Variants in MTMR7 observed in about 807,000 individuals in gnomAD.
MTMR7 encodes phosphatidylinositol-3-phosphate phosphatase MTMR7.
A neutral mutation model predicts 81.2 loss-of-function variants in MTMR7; 76 were observed. That is an observed-to-expected ratio of 0.94 (90% CI 0.78 to 1.13). The LOEUF is 1.13. Ranked by LOEUF, MTMR7 falls within the 50% of genes most tolerant of loss-of-function variation. The probability of loss-of-function intolerance (pLI) is 0.00; values close to 1 mark genes in which losing one functional copy is unlikely to be tolerated. For missense variants in MTMR7, 1,044 were observed against 820.0 expected (o/e 1.27, Z -3.34); for synonymous variants, 372 against 289.8 (o/e 1.28, Z -2.88).
chr8:17,410,254 A>G (rs1482697174), intron 1 of MTMR7, among the ~76,000 whole-genome samples: 1 of 152,186 alleles, frequency 6.6e-6, no homozygotes, highest in African/African-American at 2.4e-5. Context: ...TCTATTTCAT[A>G]ACTCAAATTT....
chr8:17,358,985 G>A (rs1008065964), intron 4 of MTMR7, among the ~76,000 whole-genome samples: 10 of 151,948 alleles, frequency 6.6e-5, no homozygotes, highest in East Asian at 3.9e-4. Flanking sequence ...CCTCAACCTC[G>A]CAGGCTCAAG....
intron 5 of MTMR7, among the ~76,000 whole-genome samples, chr8:17,346,653 G>T (rs1432571599): frequency 1.4e-5 from 2 of 146,612 alleles, no homozygotes; most frequent in African/African-American, 5.5e-5. Context: ...CTTGTCTCAA[G>T]AATATAAAAA....
intron 6 of MTMR7, among the ~76,000 whole-genome samples, chr8:17,332,590 T>C (rs1819060350): frequency 6.6e-6 from 1 of 152,188 alleles, no homozygotes; most frequent in South Asian, 2.1e-4. Context: ...GAAAAGTGCA[T>C]GGCAAACTGG....
At chr8:17,301,647 A>C (rs1480858520) in intron 13 of MTMR7, 1 of 154,254 alleles carries the variant, frequency 6.5e-6, no homozygotes, top group Non-Finnish European at 1.4e-5. Flanking sequence ...CATTGGAAAC[A>C]AAGTTATCCA....
At chr8:17,302,693 A>G (rs139018964) in intron 12 of MTMR7, among the ~76,000 whole-genome samples, 26 of 73,796 alleles carry the variant, frequency 3.5e-4, no homozygotes, top group African/African-American at 1.1e-3. Flanking sequence ...TGACATTTGC[A>G]TTGGCAATAA....
chr8:17,330,054 C>G (rs1333701597), intron 7 of MTMR7, among the ~76,000 whole-genome samples: 22 of 152,174 alleles, frequency 1.4e-4, no homozygotes, highest in Admixed American at 1.4e-3. Flanking sequence ...CAGCCCCAAA[C>G]AAGTTAACTG....
chr8:17,309,050 C>T (rs1817644199), intron 10 of MTMR7, among the ~76,000 whole-genome samples: 1 of 152,222 alleles, frequency 6.6e-6, no homozygotes, highest in South Asian at 2.1e-4. Context: ...CATTCTCTGT[C>T]TCTTCTAGAA....
chr8:17,404,234 T>C (rs1414813043), intron 1 of MTMR7, among the ~76,000 whole-genome samples: 1 of 152,074 alleles, frequency 6.6e-6, no homozygotes, highest in Non-Finnish European at 1.5e-5. Flanking sequence ...AAGGTGAGGA[T>C]TTACTATTGG....
chr8:17,346,027 G>C (rs1207309006), intron 5 of MTMR7: 1 of 152,182 alleles, frequency 6.6e-6, no homozygotes, highest in Non-Finnish European at 1.5e-5. Flanking sequence ...TTTACTTTTT[G>C]TGGGAGACTG....
intron 1 of MTMR7, among the ~76,000 whole-genome samples, chr8:17,395,708 G>T (rs78510402): frequency 1.2e-3 from 185 of 152,158 alleles, no homozygotes; most frequent in African/African-American, 4.0e-3. Context: ...GTACTTATTG[G>T]CCATTTGTAT....
chr8:17,383,128 CA>C (rs750395704), intron 1 of MTMR7, among the ~76,000 whole-genome samples: 7 of 152,156 alleles, frequency 4.6e-5, no homozygotes, highest in East Asian at 3.9e-4. Context: ...TCTTAGATAC[CA>C]AGGTTGGGAG....
chr8:17,363,108 C>A (rs1820108279), intron 3 of MTMR7, among the ~76,000 whole-genome samples: 2 of 152,224 alleles, frequency 1.3e-5, no homozygotes, highest in Admixed American at 1.3e-4. Context: ...CAAACCAGAG[C>A]AGACGCGTTC....
intron 4 of MTMR7, among the ~76,000 whole-genome samples, chr8:17,357,616 G>A (rs1337101657): frequency 1.3e-5 from 2 of 152,236 alleles, no homozygotes; most frequent in South Asian, 2.1e-4. Context: ...AGAATATCCT[G>A]TACATCGTTT....
At chr8:17,395,310 G>C (rs779418164) in intron 1 of MTMR7, among the ~76,000 whole-genome samples, 1 of 152,002 alleles carries the variant, frequency 6.6e-6, no homozygotes, top group Non-Finnish European at 1.5e-5. Context: ...CTGTTTATCT[G>C]TTCATTTGTT....
At chr8:17,309,712 G>A (rs954772697) in intron 9 of MTMR7, among the ~76,000 whole-genome samples, 2 of 152,158 alleles carry the variant, frequency 1.3e-5, no homozygotes, top group African/African-American at 4.8e-5. Flanking sequence ...CTAGGAAGGA[G>A]ACCCCACTTC....
At chr8:17,336,136 T>G (rs1819230131) in intron 6 of MTMR7, among the ~76,000 whole-genome samples, 2 of 152,146 alleles carry the variant, frequency 1.3e-5, no homozygotes, top group South Asian at 2.1e-4. Context: ...AGATGCAGGT[T>G]TTTGGAGGTA....
At chr8:17,301,888 C>A in intron 13 of MTMR7, 1 of 441,506 alleles carries the variant, frequency 2.3e-6, no homozygotes, top group Non-Finnish European at 4.0e-6. Flanking sequence ...TCTCAAATAA[C>A]AGTAACCAAA....
Position 17,381,308 on chromosome 8 carries a change from C to T in MTMR7, c.25-8068G>A, listed in dbSNP as rs575569669. ...CACTTCCAGGTCTGAGGAGGCCACA[C>T]TGGCGGCCCAACATAGGTCCTCCTT... On this transcript the variant is annotated intron_variant, in intron 1 of 13. Coordinates refer to ENST00000180173, the MANE Select transcript of MTMR7 (RefSeq NM_004686.5). Among the ~76,000 whole-genome samples the T allele has an allele frequency of 7.8e-4, 119 of 152,320 alleles. 1 individual carries two copies. The highest frequency in any genetic ancestry group is 2.7e-3 in the African/African-American group (113 of 41,588).
At chr8:17,366,925 G>C (rs1020116639) in intron 3 of MTMR7, among the ~76,000 whole-genome samples, 1 of 146,794 alleles carries the variant, frequency 6.8e-6, no homozygotes, top group African/African-American at 2.5e-5. Context: ...ATTTAGAGTG[G>C]GGTGAGAAGA....
Sources: allele counts gnomAD v4.1 joint callset (sites outside exome capture counted in the v4.1 genomes callset), GRCh38; gene constraint gnomAD v4.1.1; transcripts MANE v1.5; gene names NCBI Gene and HGNC (gene_info 2026-07-23, HGNC 2026-07-21).